Variants in RBFOX1 observed in about 807,000 individuals in gnomAD.
RBFOX1 encodes RNA binding protein fox-1 homolog 1.
Under a neutral mutation model 57.7 loss-of-function variants are expected in RBFOX1, and 8 were observed. The ratio of observed to expected loss-of-function variants is 0.14; its 90% CI spans 0.08 to 0.25. The LOEUF is 0.25. Among genes scored for constraint, RBFOX1 ranks in the 10% least tolerant of loss-of-function variants. The probability of loss-of-function intolerance (pLI) is 1.00; values close to 1 mark genes in which losing one functional copy is unlikely to be tolerated. For synonymous variants in RBFOX1, 326 were observed against 222.4 expected (o/e 1.47, Z -4.15); for missense variants, 611 against 548.5 (o/e 1.11, Z -1.14).
At chr16:7,634,849 A>G (rs1228853380) in intron 11 of RBFOX1, among the ~76,000 whole-genome samples, 1 of 152,194 alleles carries the variant, frequency 6.6e-6, no homozygotes, top group Non-Finnish European at 1.5e-5. Context: ...CTTTCTATGA[A>G]ACTTAAATGA....
intron 2 of RBFOX1, among the ~76,000 whole-genome samples, chr16:6,507,527 C>A (rs560591967): frequency 3.0e-5 from 2 of 67,626 alleles, no homozygotes; most frequent in African/African-American, 1.0e-4. Context: ...AAAAAAAAAG[C>A]CTGGCATAGT....
At chr16:7,523,008 C>T (rs1464176313) in intron 5 of RBFOX1, among the ~76,000 whole-genome samples, 1 of 152,172 alleles carries the variant, frequency 6.6e-6, no homozygotes, top group Non-Finnish European at 1.5e-5. Flanking sequence ...CTTGCCTCAT[C>T]CCCAGGGAAC....
chr16:7,084,867 CTAT>C (rs879738347), intron 4 of RBFOX1, among the ~76,000 whole-genome samples: 1,627 of 152,252 alleles, frequency 0.011, 15 homozygotes, highest in Non-Finnish European at 0.016. Flanking sequence ...GTCTATCTAT[CTAT>C]CCATCTATCT....
At chr16:7,004,282 T>C (rs2093105365) in intron 3 of RBFOX1, among the ~76,000 whole-genome samples, 1 of 152,192 alleles carries the variant, frequency 6.6e-6, no homozygotes, top group Non-Finnish European at 1.5e-5. Context: ...TATATATTAA[T>C]TAGATTAAAT....
chr16:5,301,283 G>A (rs1259420761), intron 1 of RBFOX1, among the ~76,000 whole-genome samples: 2 of 152,152 alleles, frequency 1.3e-5, no homozygotes, highest in African/African-American at 4.8e-5. Context: ...GAGGCCCTCA[G>A]TCCAATAGCC....
Position 7,693,971 on chromosome 16 carries a change from G to A in RBFOX1, c.996-15085G>A, listed in dbSNP as rs527665573. On this transcript the variant is annotated intron_variant, in intron 14 of 15. Transcript: ENST00000550418. ...CTTTTGGTTTTGAAACCAGGACATTGGCAAATGGAAATTGCATAGCTGCAT... is the reference window on the plus strand; with the variant it reads ...CTTTTGGTTTTGAAACCAGGACATTAGCAAATGGAAATTGCATAGCTGCAT... 1.5e-4 allele frequency among the ~76,000 whole-genome samples: 23 copies of A among 152,258 alleles called. No individual in the cohort carries two copies. The East Asian group carries it at 4.3e-3, about 28-fold the overall frequency.
intron 3 of RBFOX1, among the ~76,000 whole-genome samples, chr16:5,760,557 C>G (rs1567504894): frequency 6.6e-6 from 1 of 152,080 alleles, no homozygotes; most frequent in African/African-American, 2.4e-5. Flanking sequence ...ATCCATACCA[C>G]AGAACACTAT....
intron 3 of RBFOX1, among the ~76,000 whole-genome samples, chr16:6,965,635 C>T (rs986133863): frequency 6.6e-6 from 1 of 152,192 alleles, no homozygotes; most frequent in African/African-American, 2.4e-5. Context: ...CTGCGCCTGG[C>T]TGACAAATCC....
chr16:5,397,973 A>C (rs1163696302), intron 1 of RBFOX1, among the ~76,000 whole-genome samples: 2 of 152,180 alleles, frequency 1.3e-5, no homozygotes, highest in Non-Finnish European at 2.9e-5. Context: ...CATGGAGCTC[A>C]TGGATTGGTG....
intron 1 of RBFOX1, among the ~76,000 whole-genome samples, chr16:6,126,931 T>G (rs183367263): frequency 3.3e-5 from 5 of 152,196 alleles, no homozygotes; most frequent in Admixed American, 1.3e-4. Context: ...TGCCAGGTAC[T>G]AGGAAAAAAA....
At chr16:6,960,214 C>G (rs1032139088) in intron 3 of RBFOX1, among the ~76,000 whole-genome samples, 2 of 152,098 alleles carry the variant, frequency 1.3e-5, no homozygotes, top group African/African-American at 2.4e-5. Context: ...GATAATCATC[C>G]CAGCACCTGG....
intron 3 of RBFOX1, among the ~76,000 whole-genome samples, chr16:7,051,675 C>T (rs761231351): frequency 1.3e-5 from 2 of 152,146 alleles, no homozygotes; most frequent in Non-Finnish European, 2.9e-5. Context: ...TTATCATGAC[C>T]ATCTGGAGTG....
chr16:6,567,388 G>A (rs572279204), intron 2 of RBFOX1, among the ~76,000 whole-genome samples: 13 of 152,240 alleles, frequency 8.5e-5, no homozygotes, highest in Admixed American at 2.6e-4. Flanking sequence ...GCTCAGGTTC[G>A]TTTGGTCTTT....
At chr16:6,977,140 TTATATATATCA>T (rs1157756837) in intron 3 of RBFOX1, among the ~76,000 whole-genome samples, 4 of 137,206 alleles carry the variant, frequency 2.9e-5, no homozygotes, top group Admixed American at 7.7e-5. Flanking sequence ...ATGATATATA[TTATATATATCA>T]TATATATCAT....
chr16:6,453,412 A>T (rs1279526979), intron 2 of RBFOX1, among the ~76,000 whole-genome samples: 1 of 152,160 alleles, frequency 6.6e-6, no homozygotes, highest in Non-Finnish European at 1.5e-5. Flanking sequence ...GGTCTACGCA[A>T]ATAAACTAGA....
At chr16:7,087,338 C>A (rs1043531315) in intron 4 of RBFOX1, among the ~76,000 whole-genome samples, 1 of 152,138 alleles carries the variant, frequency 6.6e-6, no homozygotes, top group Non-Finnish European at 1.5e-5. Flanking sequence ...GAATCTCCCA[C>A]CCGCCATCAG....
At chr16:6,994,797 C>G (rs143977418) in intron 3 of RBFOX1, among the ~76,000 whole-genome samples, 1 of 152,152 alleles carries the variant, frequency 6.6e-6, no homozygotes, top group Non-Finnish European at 1.5e-5. Context: ...GACCAAATTG[C>G]ATGGAAACGA....
At chr16:5,321,320 AC>A (rs2064398048) in intron 1 of RBFOX1, among the ~76,000 whole-genome samples, 8 of 93,536 alleles carry the variant, frequency 8.6e-5, no homozygotes, top group African/African-American at 2.1e-4. Context: ...ATAAGAGATA[AC>A]TTTTGTTTTT....
intron 1 of RBFOX1, among the ~76,000 whole-genome samples, chr16:6,227,282 C>G (rs75743043): frequency 0.041 from 6,247 of 152,192 alleles, 422 homozygotes; most frequent in African/African-American, 0.14. Context: ...TTCAGTGATT[C>G]TAAAACGGAG....
Sources: gnomAD v4.1 joint callset for allele counts (sites outside exome capture counted in the v4.1 genomes callset) on GRCh38, gnomAD v4.1.1 for gene constraint, MANE v1.5 for transcripts, NCBI Gene and HGNC (gene_info 2026-07-23, HGNC 2026-07-21) for gene names.